SEMA6A: variants seen among roughly 807,000 people sequenced by gnomAD.
The protein encoded by SEMA6A is semaphorin-6A.
SEMA6A carries 25 observed loss-of-function variants against 96.8 expected under a neutral mutation model. That is an observed-to-expected ratio of 0.26 (90% CI 0.19 to 0.36). The LOEUF is 0.36. Ranked by LOEUF, SEMA6A falls within the 10% of genes least tolerant of loss-of-function variation. SEMA6A has a pLI of 1.00. For missense variants in SEMA6A, 1,363 were observed against 1,323.1 expected (o/e 1.03, Z -0.47); for synonymous variants, 612 against 518.0 (o/e 1.18, Z -2.46).
Position 116,444,957 on chromosome 5 carries a change from T to C in SEMA6A, c.*1656A>G, listed in dbSNP as rs1754095259. 1.3e-5 allele frequency: 2 copies of C among 152,670 alleles called. No homozygotes were observed. Among genetic ancestry groups the C allele is most frequent in the Non-Finnish European group, 2.9e-5 (2 of 68,062 alleles). The allele number at this position is 152,670 out of a possible 1,614,324, so 9.5% of individuals were successfully genotyped here. A position where few individuals can be genotyped will look rare whatever the true frequency, so the allele number is the denominator to read the frequency against. On this transcript the variant is annotated 3_prime_UTR_variant, in exon 19 of 19. Coordinates refer to ENST00000343348, the MANE Select transcript of SEMA6A (RefSeq NM_020796.5). ...GCTAGCAAATAAGGATATCACCGTA[T>C]TGAAATAATCTAAGGGAAGCAGGGA...
intron 2 of SEMA6A, among the ~76,000 whole-genome samples, chr5:116,503,384 T>A: frequency 6.6e-6 from 1 of 152,200 alleles, no homozygotes; most frequent in East Asian, 1.9e-4. Flanking sequence ...GTGCTTTCCC[T>A]TCCACTGCTT....
intron 18 of SEMA6A, among the ~76,000 whole-genome samples, chr5:116,451,142 C>A (rs1259910127): frequency 6.6e-6 from 1 of 152,128 alleles, no homozygotes; most frequent in African/African-American, 2.4e-5. Flanking sequence ...TTATCTGTAG[C>A]ATGAGGTGAA....
intron 1 of SEMA6A, among the ~76,000 whole-genome samples, chr5:116,530,030 A>T (rs1417608777): frequency 6.6e-6 from 1 of 152,184 alleles, no homozygotes; most frequent in Non-Finnish European, 1.5e-5. Context: ...TGACAACAAC[A>T]ACAACAAAAA....
intron 6 of SEMA6A, among the ~76,000 whole-genome samples, chr5:116,492,070 C>T (rs964266371): frequency 1.3e-5 from 2 of 152,140 alleles, no homozygotes; most frequent in Admixed American, 6.5e-5. Flanking sequence ...CTCTTCCACC[C>T]AGCACATTTT....
intron 1 of SEMA6A, among the ~76,000 whole-genome samples, chr5:116,513,767 C>G (rs1465490452): frequency 6.6e-6 from 1 of 152,118 alleles, no homozygotes; most frequent in East Asian, 1.9e-4. Context: ...CTTCCCGATG[C>G]TCTCCCTCCT....
rs756893100 is a variant in SEMA6A at position 116,446,868 on chromosome 5, G to T, written c.2838C>A (p.His946Gln). The change falls in exon 19 of 19, where the codon CAC becomes CAA. Residue 946 changes from histidine (H) to glutamine (Q), a missense_variant. By Grantham distance (24) the His-to-Gln change is conservative (BLOSUM62 0). Around this residue, in one of 2 missense-constraint regions of SEMA6A, gnomAD observed 883 missense variants for 763.6 expected, o/e 1.16. Transcript: ENST00000343348. ...TGCCAAAGCTCTGGTTTCTGGAGAG[G>T]TGAGAGGAATTGGAGGAGTTAGTGT... The part of the protein sequence containing the change: ...RNNTNSSNSS[H>Q]LSRNQSFGRG... 7.4e-5 allele frequency: 120 copies of T among 1,613,878 alleles called. No homozygotes were observed. Among genetic ancestry groups the T allele is most frequent in the Non-Finnish European group, 1.0e-4 (118 of 1,179,900 alleles).
intron 1 of SEMA6A, among the ~76,000 whole-genome samples, chr5:116,572,634 C>A (rs954487767): frequency 1.3e-5 from 2 of 152,220 alleles, no homozygotes; most frequent in Non-Finnish European, 2.9e-5. Flanking sequence ...CACGCACCTT[C>A]CCCACAGCCT....
chr5:116,569,065 T>G (rs982473504), intron 1 of SEMA6A, among the ~76,000 whole-genome samples: 5 of 152,166 alleles, frequency 3.3e-5, no homozygotes, highest in African/African-American at 9.7e-5. Flanking sequence ...AGCCTAAAAA[T>G]GTCTATCCTT....
rs1216152966 is a variant in SEMA6A, at chr5:116,477,737, T to C, written c.1649+109A>G. The C allele has an allele frequency of 3.7e-6, 4 of 1,091,114 alleles. No individual in the cohort carries two copies. In the African/African-American group the frequency reaches 6.2e-5, roughly 17 times the overall value. The allele number at this position is 1,091,114 out of a possible 1,614,324, so 67.6% of individuals were successfully genotyped here. On this transcript the variant is annotated intron_variant, in intron 15 of 18. Transcript: ENST00000343348. ...AAGGCTGACAGTCCCGTTGCTGGAG[T>C]TTGCACAGAAAGCTGTGTGGTGGTG...
chr5:116,458,464 T>G (rs1259664839), intron 18 of SEMA6A, among the ~76,000 whole-genome samples: 1 of 152,040 alleles, frequency 6.6e-6, no homozygotes, highest in Non-Finnish European at 1.5e-5. Flanking sequence ...AGATGCAGCT[T>G]GAAAAAGTGG....
At chr5:116,461,790 G>A (rs149774614) in intron 18 of SEMA6A, among the ~76,000 whole-genome samples, 148 of 152,272 alleles carry the variant, frequency 9.7e-4, no homozygotes, top group African/African-American at 3.2e-3. Flanking sequence ...GTGTGCTTTT[G>A]TGTCTACCTG....
chr5:116,512,985 T>A (rs1049274495), intron 1 of SEMA6A, among the ~76,000 whole-genome samples: 1 of 152,230 alleles, frequency 6.6e-6, no homozygotes, highest in Non-Finnish European at 1.5e-5. Context: ...GGTGGCTACT[T>A]TGTTTTGAAT....
intron 1 of SEMA6A, among the ~76,000 whole-genome samples, chr5:116,546,761 A>G (rs775720067): frequency 6.6e-6 from 1 of 152,236 alleles, no homozygotes; most frequent in Non-Finnish European, 1.5e-5. Context: ...TCCAATGAAC[A>G]TAACAGCACA....
At chr5:116,507,665 G>A (rs922476510) in intron 1 of SEMA6A, among the ~76,000 whole-genome samples, 2 of 152,168 alleles carry the variant, frequency 1.3e-5, no homozygotes, top group African/African-American at 4.8e-5. Context: ...CTGTGACTGT[G>A]CTTATATAGG....
chr5:116,484,942 G>T (rs1390943640), intron 10 of SEMA6A, among the ~76,000 whole-genome samples: 2 of 152,214 alleles, frequency 1.3e-5, no homozygotes, highest in Non-Finnish European at 2.9e-5. Context: ...GTGGGGGCTT[G>T]TGTGTCATGC....
At chr5:116,467,895 GT>G in intron 17 of SEMA6A, 148 bp from the exon 18 acceptor site, 1 of 670,816 alleles carries the variant, frequency 1.5e-6, no homozygotes, top group Non-Finnish European at 2.5e-6. Context: ...GGTGGTGGTG[GT>G]GGTGGTGGTG....
chr5:116,522,022 C>CAGTA (rs1204912648), intron 1 of SEMA6A, among the ~76,000 whole-genome samples: 2 of 152,104 alleles, frequency 1.3e-5, no homozygotes, highest in African/African-American at 4.8e-5. Context: ...TCAGTGCATT[C>CAGTA]AGTACCCCAG....
In SEMA6A at chr5:116,514,071, C is replaced by A. The variant is rs897627533; in HGVS notation, c.-38-9089G>T. 5.9e-5 allele frequency among the ~76,000 whole-genome samples: 9 copies of A among 152,056 alleles called. 1 individual carries two copies. The highest frequency in any genetic ancestry group is 1.5e-5 in the Non-Finnish European group (1 of 68,000). ...GATTCCATGTCTTTGCTATTGTGAA[C>A]AATAGCAGTGCTGCACTGAACATAT... On this transcript the variant is annotated intron_variant, in intron 1 of 18. Transcript: ENST00000343348.
At chr5:116,475,483 C>T (rs988744045) in intron 16 of SEMA6A, 62 bp downstream of exon 16, 2 of 1,179,110 alleles carry the variant, frequency 1.7e-6, no homozygotes, top group Non-Finnish European at 2.5e-6. Flanking sequence ...GCTGATGTTT[C>T]TAGGCCATTC....
Sources: allele counts gnomAD v4.1 joint callset (sites outside exome capture counted in the v4.1 genomes callset), GRCh38; gene constraint gnomAD v4.1.1; regional missense constraint gnomAD v4.1.1; transcripts MANE v1.5; gene names NCBI Gene and HGNC (gene_info 2026-07-23, HGNC 2026-07-21).